ODAD4: variants seen among roughly 807,000 people sequenced by gnomAD.
ODAD4 encodes the protein outer dynein arm docking complex subunit 4.
A neutral mutation model predicts 51.8 loss-of-function variants in ODAD4; 49 were observed. The observed-to-expected ratio is 0.95, with a 90% confidence interval of 0.75 to 1.20. ODAD4 has a LOEUF of 1.20. Among genes scored for constraint, ODAD4 ranks in the 50% most tolerant of loss-of-function variants. ODAD4 has a pLI of 0.00. For synonymous variants in ODAD4, 235 were observed against 221.3 expected (o/e 1.06, Z -0.55); for missense variants, 590 against 586.5 (o/e 1.01, Z -0.06).
At position 41,965,846 on chromosome 17, in the gene ODAD4, G is replaced by C. The variant is rs1598097533; in HGVS notation, c.*363G>C. ...TTCCCACACACCGGTGACTGACTGA[G>C]TCCCTCCAGTGCGCAGGACAGCGGG... On this transcript the variant is annotated 3_prime_UTR_variant, in exon 12 of 12. Coordinates refer to ENST00000377540, the MANE Select transcript of ODAD4 (RefSeq NM_031421.5). Among the ~76,000 whole-genome samples the C allele has an allele frequency of 6.6e-6, 1 of 152,186 alleles. No individual in the cohort carries two copies. The highest frequency in any genetic ancestry group is 6.5e-5 in the Admixed American group (1 of 15,274).
chr17:41,964,924 T>A (rs2050856365), intron 11 of ODAD4, 69 bp from the exon 12 acceptor site: 1 of 634,556 alleles, frequency 1.6e-6, no homozygotes, highest in African/African-American at 1.8e-5. Context: ...ATTACAGGCG[T>A]GAGCCACCGC....
intron 10 of ODAD4, among the ~76,000 whole-genome samples, chr17:41,960,242 AG>A (rs2050786881): frequency 6.6e-6 from 1 of 152,120 alleles, no homozygotes; most frequent in Admixed American, 6.5e-5. Flanking sequence ...TGAGGGCAGG[AG>A]GATCACTTGG....
chr17:41,936,942 G>A lies in ODAD4; in HGVS notation c.625+15G>A. 4 of 1,612,290 alleles carry A rather than the reference G, an allele frequency of 2.5e-6. No individual in the cohort carries two copies. In the African/African-American group the frequency reaches 4.0e-5, roughly 16 times the overall value. ...ATTGGATGAAGGTTTCGGACACTTT[G>A]TTGGCACGGGGCCTTGGGGGAAAGG... On this transcript the variant is annotated intron_variant, in intron 5 of 11. Transcript: ENST00000377540.
Position 41,936,826 on chromosome 17 carries a change from C to G in ODAD4, c.524C>G (p.Pro175Arg), listed in dbSNP as rs368731263. The G allele has an allele frequency of 3.4e-5, 55 of 1,613,826 alleles. No homozygotes were observed. The highest frequency in any genetic ancestry group is 4.7e-5 in the Non-Finnish European group (55 of 1,179,904). Residue 175 changes from proline (P) to arginine (R), a missense_variant, in exon 5 of 12, where the codon CCC becomes CGC. By Grantham distance (103) the Pro-to-Arg change is moderately radical. Transcript: ENST00000377540. ...KHLLHPTKGE[P>R]KWKASLKSEK... ...CTCTTACACCCCACCAAGGGAGAGC[C>G]CAAGTGGAAGGCCTCGCTCAAGAGT...
chr17:41,952,460 C>G (rs1010035614), intron 9 of ODAD4, among the ~76,000 whole-genome samples: 4 of 146,340 alleles, frequency 2.7e-5, no homozygotes, highest in African/African-American at 1.0e-4. Context: ...TCACTTGAGC[C>G]CAGGTTGAGA....
chr17:41,960,559 A>G (rs1555641554), intron 10 of ODAD4, among the ~76,000 whole-genome samples: 1 of 152,226 alleles, frequency 6.6e-6, no homozygotes, highest in Admixed American at 6.5e-5. Flanking sequence ...TGGGAGGCAG[A>G]GCTGGAGGCT....
chr17:41,959,751 TGAA>T (rs1291664495), intron 10 of ODAD4, among the ~76,000 whole-genome samples: 1 of 152,098 alleles, frequency 6.6e-6, no homozygotes, highest in Non-Finnish European at 1.5e-5. Flanking sequence ...AGCCTGGACT[TGAA>T]GGGCTGTGGA....
At position 41,965,060 on chromosome 17, in the gene ODAD4, C is replaced by T. The variant is rs372293526; in HGVS notation, c.1596C>T (p.Pro532=). ...EKDMRRVRDE[P]EKVVKQWDHS... The stretch of plus-strand genomic sequence containing the variant: ...ACATGAGGAGAGTGAGAGATGAGCC[C>T]GAGAAGGTGGTGAAGCAGTGGGACC... Residue 532 remains proline, a synonymous_variant, in exon 12 of 12, where the codon CCC becomes CCT. Coordinates refer to ENST00000377540, the MANE Select transcript of ODAD4 (RefSeq NM_031421.5). 2.4e-4 allele frequency: 177 copies of T among 752,206 alleles called. No individual in the cohort carries two copies. The highest frequency in any genetic ancestry group is 1.9e-4 in the Non-Finnish European group (76 of 404,300). The allele number at this position is 752,206 out of a possible 1,614,324, so 46.6% of individuals were successfully genotyped here. A position where few individuals can be genotyped will look rare whatever the true frequency, so the allele number is the denominator to read the frequency against.
chr17:41,962,381 G>A (rs2050816840), intron 11 of ODAD4, among the ~76,000 whole-genome samples: 2 of 152,312 alleles, frequency 1.3e-5, no homozygotes, highest in South Asian at 4.1e-4. Flanking sequence ...GAGTAAACAG[G>A]CCTTTGGCCC....
chr17:41,950,162 G>T (rs2050634744), intron 9 of ODAD4, among the ~76,000 whole-genome samples: 2 of 151,616 alleles, frequency 1.3e-5, no homozygotes, highest in African/African-American at 4.9e-5. Context: ...TAGAGACGGG[G>T]TTTCACCACG....
intron 1 of ODAD4, among the ~76,000 whole-genome samples, chr17:41,934,602 TCGAC>T (rs2050399051): frequency 6.6e-6 from 1 of 152,136 alleles, no homozygotes; most frequent in Non-Finnish European, 1.5e-5. Flanking sequence ...TCCGCCCACC[TCGAC>T]CTGCCAAAGT....
At chr17:41,941,804 C>T (rs2050511082) in intron 7 of ODAD4, among the ~76,000 whole-genome samples, 2 of 151,734 alleles carry the variant, frequency 1.3e-5, no homozygotes, top group Non-Finnish European at 2.9e-5. Flanking sequence ...AAAAGCCTGC[C>T]TGCTGCCCCA....
At chr17:41,935,829 A>C (rs2050418733) in intron 3 of ODAD4, 80 bp downstream of exon 3, 2 of 1,542,104 alleles carry the variant, frequency 1.3e-6, no homozygotes, top group African/African-American at 2.7e-5. Flanking sequence ...GAGTCACAGC[A>C]GGTGAGCAGC....
chr17:41,959,024 A>C (rs1555641380), intron 10 of ODAD4, among the ~76,000 whole-genome samples: 1 of 152,180 alleles, frequency 6.6e-6, no homozygotes, highest in African/African-American at 2.4e-5. Context: ...AAAAAAAAAA[A>C]AAAAGCTACA....
chr17:41,958,530 C>T (rs1312604519), intron 10 of ODAD4, among the ~76,000 whole-genome samples: 2 of 151,754 alleles, frequency 1.3e-5, no homozygotes, highest in African/African-American at 2.4e-5. Context: ...GGTATGGTGG[C>T]ACACACCTGT....
chr17:41,944,526 A>AC (rs2050560359), intron 7 of ODAD4, among the ~76,000 whole-genome samples: 1 of 151,242 alleles, frequency 6.6e-6, no homozygotes, highest in Non-Finnish European at 1.5e-5. Context: ...GCAGTGGCTC[A>AC]CATCTGTAAT....
At chr17:41,931,830 C>A (rs896514275) in intron 1 of ODAD4, among the ~76,000 whole-genome samples, 1 of 152,200 alleles carries the variant, frequency 6.6e-6, no homozygotes, top group African/African-American at 2.4e-5. Flanking sequence ...AGGTGAGCTG[C>A]TGCACCAACC....
chr17:41,955,646 G>T (rs566931434), intron 10 of ODAD4, among the ~76,000 whole-genome samples: 4 of 151,992 alleles, frequency 2.6e-5, no homozygotes, highest in Non-Finnish European at 5.9e-5. Context: ...GGATGGTCTC[G>T]ATCTCCTGAC....
Position 41,936,851 on chromosome 17 carries a change from T to G in ODAD4, c.549T>G (p.Ser183Arg), listed in dbSNP as rs781862269. The G allele has an allele frequency of 1.2e-5, 20 of 1,613,638 alleles. No individual in the cohort carries two copies. Among genetic ancestry groups the G allele is most frequent in the Non-Finnish European group, 1.6e-5 (19 of 1,179,880 alleles). The change falls in exon 5 of 12, where the codon AGT becomes AGG. Residue 183 changes from serine (S) to arginine (R), a missense_variant. By Grantham distance (110) the Ser-to-Arg change is moderately radical. Around this residue, in one of 3 missense-constraint regions of ODAD4, gnomAD observed 360 missense variants for 407.5 expected, o/e 0.88. Transcript: ENST00000377540. Reference sequence around the variant, plus strand: ...CCAAGTGGAAGGCCTCGCTCAAGAGTGAGAAGACTGTCCGCCAGCTTCTGG... The same window carrying G: ...CCAAGTGGAAGGCCTCGCTCAAGAGGGAGAAGACTGTCCGCCAGCTTCTGG... ...GEPKWKASLK[S>R]EKTVRQLLGE...
Sources: gnomAD v4.1 joint callset for allele counts (sites outside exome capture counted in the v4.1 genomes callset) on GRCh38, gnomAD v4.1.1 for gene constraint, gnomAD v4.1.1 regional missense constraint, MANE v1.5 for transcripts, NCBI Gene and HGNC (gene_info 2026-07-23, HGNC 2026-07-21) for gene names.